Variants in PPP1R21 observed in about 807,000 individuals in gnomAD.
The protein encoded by PPP1R21 is protein phosphatase 1 regulatory subunit 21.
PPP1R21 carries 85 observed loss-of-function variants against 112.8 expected under a neutral mutation model. That is an observed-to-expected ratio of 0.75 (90% CI 0.63 to 0.90). The LOEUF (loss-of-function observed/expected upper bound fraction) is 0.90, where lower values mean the gene tolerates loss of function less well. Among genes scored for constraint, PPP1R21 ranks in the 40% least tolerant of loss-of-function variants. The pLI is 0.00. For missense variants in PPP1R21, 1,199 were observed against 901.5 expected (o/e 1.33, Z -4.23); for synonymous variants, 381 against 322.3 (o/e 1.18, Z -1.95).
In PPP1R21 at chr2:48,465,539, A is replaced by G; in HGVS notation, c.794A>G (p.Asp265Gly). The part of the protein sequence containing the change: ...IAGQALAFVQ[D>G]LVTALLNFHT... ...GGGCAGGCCCTGGCTTTTGTTCAGGATCTTGTGACGGCTCTTCTAAACTTT... is the reference window on the plus strand; with the variant it reads ...GGGCAGGCCCTGGCTTTTGTTCAGGGTCTTGTGACGGCTCTTCTAAACTTT... The change falls in exon 9 of 22, where the codon GAT (aspartate) becomes GGT (glycine). Residue 265 changes from aspartate to glycine, a missense_variant. By Grantham distance (94) the Asp-to-Gly change is moderately conservative. Coordinates refer to ENST00000294952, the MANE Select transcript of PPP1R21 (RefSeq NM_001135629.3). The G allele has an allele frequency of 6.2e-7, 1 of 1,613,966 alleles. No homozygotes were observed. The highest frequency in any genetic ancestry group is 8.5e-7 in the Non-Finnish European group (1 of 1,179,940).
At position 48,507,362 on chromosome 2, in the gene PPP1R21, A is replaced by C; in HGVS notation, c.2062A>C (p.Lys688Gln). Residue 688 changes from lysine to glutamine, a missense_variant, in exon 19 of 22, where the codon AAG (lysine) becomes CAG (glutamine). Lys to Gln is a moderately conservative substitution (Grantham distance 53). Transcript: ENST00000294952. ...LTSQLQLADS[K>Q]SVHFYAECRA... ...GTCTCAGTTGCAGCTGGCTGACAGT[A>C]AGTCAGTGCATTTTTATGCCGAGGT... 6.3e-7 allele frequency: 1 copy of C among 1,599,746 alleles called. No individual in the cohort carries two copies. The highest frequency in any genetic ancestry group is 1.1e-5 in the South Asian group (1 of 88,152).
rs772146812 is a variant in PPP1R21 at position 48,460,108 on chromosome 2, C to G, written c.554C>G (p.Thr185Ser). Residue 185 changes from threonine (T) to serine (S), a missense_variant, in exon 6 of 22, where the codon ACT becomes AGT. By Grantham distance (58) the Thr-to-Ser change is moderately conservative. Transcript: ENST00000294952. ...DKAKLEVKSQTLEKEAKECRL... is the reference protein window; with the variant it reads ...DKAKLEVKSQSLEKEAKECRL... ...TCTGAAATTCAGGTGAAATCTCAGACTCTAGAAAAGGAAGCCAAGGAATGT... is the reference window on the plus strand; with the variant it reads ...TCTGAAATTCAGGTGAAATCTCAGAGTCTAGAAAAGGAAGCCAAGGAATGT... 9 of 1,613,982 alleles carry G rather than the reference C, an allele frequency of 5.6e-6. No homozygotes were observed. Among genetic ancestry groups the G allele is most frequent in the Non-Finnish European group, 7.6e-6 (9 of 1,180,018 alleles).
chr2:48,504,612 G>A (rs568234100), intron 17 of PPP1R21, among the ~76,000 whole-genome samples: 71 of 152,264 alleles, frequency 4.7e-4, no homozygotes, highest in African/African-American at 1.7e-3. Flanking sequence ...TTGCACTCCA[G>A]CCTGGGCAAC....
chr2:48,473,648 T>G (rs1668619585), intron 11 of PPP1R21, among the ~76,000 whole-genome samples: 1 of 152,184 alleles, frequency 6.6e-6, no homozygotes, highest in Non-Finnish European at 1.5e-5. Flanking sequence ...TAGAATGGAA[T>G]GAAGCTGTCT....
At chr2:48,458,102 G>C in intron 3 of PPP1R21, 24 bp from the exon 4 acceptor site, 1 of 1,448,924 alleles carries the variant, frequency 6.9e-7, no homozygotes, top group Non-Finnish European at 9.7e-7. Context: ...AAGTTATGTG[G>C]ACATAACTTA....
rs1376461555 is a variant in PPP1R21, at chr2:48,465,591, A to G, written c.846A>G (p.Gln282=). ...ATACCTACACAGAACAGAGGATTCA[A>G]ATTTTTCCTGTTGATTCTGCCATTG... The part of the protein sequence containing the change: ...NFHTYTEQRI[Q]IFPVDSAIDT... The change falls in exon 9 of 22, where the codon CAA becomes CAG. Residue 282 remains glutamine, a synonymous_variant. Coordinates refer to ENST00000294952, the MANE Select transcript of PPP1R21 (RefSeq NM_001135629.3). The G allele has an allele frequency of 6.2e-6, 10 of 1,613,824 alleles. No homozygotes were observed. Among genetic ancestry groups the G allele is most frequent in the Non-Finnish European group, 7.6e-6 (9 of 1,179,948 alleles).
chr2:48,483,555 A>G (rs1001665974), intron 13 of PPP1R21, among the ~76,000 whole-genome samples: 5 of 152,358 alleles, frequency 3.3e-5, no homozygotes, highest in Non-Finnish European at 5.9e-5. Flanking sequence ...AGCACAAAGC[A>G]TAAAGCTAGA....
rs181208571 is a variant in PPP1R21, at chr2:48,511,302, G to A, written c.2185-38G>A. On this transcript the variant is annotated intron_variant, in intron 20 of 21. Coordinates refer to ENST00000294952, the MANE Select transcript of PPP1R21 (RefSeq NM_001135629.3). ...AAAAAGCTTCAGAGTGGTACGACTC[G>A]TGGGATGTTGATTTTTGTCTTTTTC... 1,332 of 1,594,944 alleles carry A rather than the reference G, an allele frequency of 8.4e-4. 2 individuals are homozygous for A. The highest frequency in any genetic ancestry group is 1.1e-3 in the Non-Finnish European group (1,284 of 1,172,558).
intron 4 of PPP1R21, 48 bp downstream of exon 4, chr2:48,458,275 C>A: frequency 3.1e-6 from 4 of 1,276,988 alleles, no homozygotes; most frequent in Non-Finnish European, 4.5e-6. Flanking sequence ...GGTCTGTGAT[C>A]TGTTAATGTG....
chr2:48,498,457 T>G (rs1189428001), intron 16 of PPP1R21, 36 bp from the exon 17 acceptor site: 2 of 1,610,174 alleles, frequency 1.2e-6, no homozygotes, highest in South Asian at 2.2e-5. Flanking sequence ...TTATCTGTAT[T>G]AGTCTCTAAG....
chr2:48,502,835 C>T (rs1051359570), intron 17 of PPP1R21, among the ~76,000 whole-genome samples: 1 of 151,960 alleles, frequency 6.6e-6, no homozygotes, highest in African/African-American at 2.4e-5. Context: ...CGCCTGCCAC[C>T]ATGCCCGGCT....
chr2:48,485,229 G>T (rs946466220), intron 13 of PPP1R21, among the ~76,000 whole-genome samples: 1 of 151,750 alleles, frequency 6.6e-6, no homozygotes, highest in African/African-American at 2.4e-5. Flanking sequence ...GGGCTCAATG[G>T]AAGCCCAAAC....
At chr2:48,494,097 G>T (rs1015157238) in intron 15 of PPP1R21, among the ~76,000 whole-genome samples, 6 of 149,684 alleles carry the variant, frequency 4.0e-5, no homozygotes, top group Non-Finnish European at 8.9e-5. Flanking sequence ...TGGCATGGTG[G>T]TGCATGCCTG....
chr2:48,479,694 T>C, intron 12 of PPP1R21: 1 of 616,114 alleles, frequency 1.6e-6, no homozygotes, highest in South Asian at 1.9e-5. Flanking sequence ...AACAACTGAA[T>C]TTTGTTTCTC....
intron 15 of PPP1R21, among the ~76,000 whole-genome samples, chr2:48,493,194 AC>A (rs900433322): frequency 2.0e-5 from 3 of 151,886 alleles, no homozygotes; most frequent in Non-Finnish European, 4.4e-5. Flanking sequence ...TTTAGTAGAG[AC>A]GGGGTTTCAC....
intron 2 of PPP1R21, among the ~76,000 whole-genome samples, chr2:48,452,315 A>T (rs986173303): frequency 6.6e-6 from 1 of 152,158 alleles, no homozygotes; most frequent in African/African-American, 2.4e-5. Flanking sequence ...CACTCACTGC[A>T]TACCAGGCAT....
chr2:48,450,930 C>G, intron 1 of PPP1R21, 78 bp from the exon 2 acceptor site: 1 of 1,201,652 alleles, frequency 8.3e-7, no homozygotes, highest in Non-Finnish European at 1.2e-6. Flanking sequence ...GTAATGATGC[C>G]TGTAAAATTG....
At chr2:48,500,783 C>T (rs1670075846) in intron 17 of PPP1R21, among the ~76,000 whole-genome samples, 1 of 152,094 alleles carries the variant, frequency 6.6e-6, no homozygotes, top group Admixed American at 6.5e-5. Flanking sequence ...GCGGCCTGCG[C>T]CTGTAGTCTC....
chr2:48,467,618 G>A (rs1668262368), intron 9 of PPP1R21, among the ~76,000 whole-genome samples: 1 of 152,198 alleles, frequency 6.6e-6, no homozygotes, highest in Non-Finnish European at 1.5e-5. Flanking sequence ...CTCTTTGAGT[G>A]TCCTCATAAA....
Sources: allele counts gnomAD v4.1 joint callset (sites outside exome capture counted in the v4.1 genomes callset), GRCh38; gene constraint gnomAD v4.1.1; transcripts MANE v1.5; gene names NCBI Gene and HGNC (gene_info 2026-07-23, HGNC 2026-07-21).